Variants in CRTC1 observed in about 807,000 individuals in gnomAD.
The protein encoded by CRTC1 is CREB-regulated transcription coactivator 1.
CRTC1 carries 18 observed loss-of-function variants against 66.1 expected under a neutral mutation model. The observed-to-expected ratio is 0.27, with a 90% CI of 0.19 to 0.40. The LOEUF (loss-of-function observed/expected upper bound fraction) is 0.40, where lower values mean the gene tolerates loss of function less well. CRTC1 is among the 10% of genes least tolerant of loss of function. The pLI, the probability that CRTC1 is intolerant of heterozygous loss-of-function variation, is 1.00. For synonymous variants in CRTC1, 416 were observed against 398.8 expected (o/e 1.04, Z -0.51); for missense variants, 669 against 887.9 (o/e 0.75, Z 3.13).
At chr19:18,733,260 G>A (rs2053928529) in intron 1 of CRTC1, among the ~76,000 whole-genome samples, 1 of 152,128 alleles carries the variant, frequency 6.6e-6, no homozygotes, top group African/African-American at 2.4e-5. Context: ...ACACAGGGTG[G>A]GCGCTTGGCC....
chr19:18,777,083 G>A lies in CRTC1; in HGVS notation c.1694-88G>A, dbSNP rs576260765. The A allele has an allele frequency of 4.1e-5, 31 of 755,594 alleles. 1 individual carries two copies. Among genetic ancestry groups the A allele is most frequent in the South Asian group, 3.1e-4 (20 of 64,062 alleles). 46.8% of individuals were successfully genotyped at this position (755,594 alleles called of 1,614,324 possible). ...GCCAGCATACCCAGGGGACAGAGTCGCCCGGCGGGCATGCCTGGTCCGACA... is the reference window on the plus strand; with the variant it reads ...GCCAGCATACCCAGGGGACAGAGTCACCCGGCGGGCATGCCTGGTCCGACA... On this transcript the variant is annotated intron_variant, in intron 13 of 13. Transcript: ENST00000321949. The surrounding 1 kb of genome is among the most constrained non-coding windows in gnomAD (Gnocchi z 5.5).
At chr19:18,705,762 C>T (rs959999392) in intron 1 of CRTC1, among the ~76,000 whole-genome samples, 1 of 151,752 alleles carries the variant, frequency 6.6e-6, no homozygotes, top group African/African-American at 2.4e-5. Context: ...TGATAATAGC[C>T]ATCCTAATGT....
intron 1 of CRTC1, among the ~76,000 whole-genome samples, chr19:18,685,598 A>G (rs886954264): frequency 1.3e-5 from 2 of 152,212 alleles, no homozygotes. Flanking sequence ...TGGAGGTTGC[A>G]GTGAGCCGAG....
At chr19:18,748,320 G>C (rs79166964) in intron 4 of CRTC1, among the ~76,000 whole-genome samples, 33,118 of 149,128 alleles carry the variant, frequency 0.22, 3,952 homozygotes, top group African/African-American at 0.32. Context: ...GCGATCACAG[G>C]TCACTGCAGC....
Position 18,746,893 on chromosome 19 carries a change from GA to G in CRTC1, c.382-157del, listed in dbSNP as rs1370212415. 2.0e-5 allele frequency among the ~76,000 whole-genome samples: 3 copies of G among 152,150 alleles called. No homozygotes were observed. The East Asian group carries it at 5.8e-4, about 29-fold the overall frequency. On this transcript the variant is annotated intron_variant, in intron 3 of 13. Transcript: ENST00000321949. ...ACGGGGGCTGCTTGTAGCCAGGCAG[GA>G]AAGGCCGGCAGGAAACGCCCCCCGC... is the stretch of plus-strand genomic sequence containing the variant.
intron 1 of CRTC1, among the ~76,000 whole-genome samples, chr19:18,731,818 G>C (rs1032693279): frequency 2.6e-5 from 4 of 152,186 alleles, no homozygotes; most frequent in Non-Finnish European, 5.9e-5. Flanking sequence ...CCCGGGGGGT[G>C]GGGGGAAGGC....
At chr19:18,725,831 C>G (rs565488176) in intron 1 of CRTC1, among the ~76,000 whole-genome samples, 1 of 152,216 alleles carries the variant, frequency 6.6e-6, no homozygotes, top group Admixed American at 6.5e-5. Flanking sequence ...TCGGCCCTCC[C>G]GTGTTCTGGA....
intron 13 of CRTC1, among the ~76,000 whole-genome samples, 199 bp downstream of exon 13, chr19:18,776,020 G>A (rs2054981517): frequency 6.6e-6 from 1 of 152,162 alleles, no homozygotes; most frequent in African/African-American, 2.4e-5. Flanking sequence ...GCCAGGCCAG[G>A]GAGATGCCTC....
intron 5 of CRTC1, among the ~76,000 whole-genome samples, chr19:18,752,933 C>T (rs1419680013): frequency 6.6e-6 from 1 of 151,846 alleles, no homozygotes; most frequent in African/African-American, 2.4e-5. Context: ...CCACCACGCC[C>T]AGCCTATTTT....
chr19:18,771,594 T>C lies in CRTC1; in HGVS notation c.1425+48T>C. 1.4e-6 allele frequency: 2 copies of C among 1,429,274 alleles called. No individual in the cohort carries two copies. The highest frequency in any genetic ancestry group is 2.0e-6 in the Non-Finnish European group (2 of 1,024,360). The allele number at this position is 1,429,274 out of a possible 1,614,324, so 88.5% of individuals were successfully genotyped here. Reference sequence around the variant, plus strand: ...TGGCCTGTGGGCTCCACGCTTGTCTTGTTCATGCCCCGTGTGTTCCCTGCC... The same window carrying C: ...TGGCCTGTGGGCTCCACGCTTGTCTCGTTCATGCCCCGTGTGTTCCCTGCC... On this transcript the variant is annotated intron_variant, in intron 11 of 13. Transcript: ENST00000321949. The surrounding 1 kb of genome is among the most constrained non-coding windows in gnomAD (Gnocchi z 4.6).
chr19:18,745,719 G>T (rs1482168640), intron 2 of CRTC1, 104 bp from the exon 3 acceptor site: 4 of 1,464,672 alleles, frequency 2.7e-6, no homozygotes, highest in Non-Finnish European at 3.8e-6. Context: ...GGGTGCTCCA[G>T]AGTGGGGGGC....
At chr19:18,714,920 G>A (rs778606454) in intron 1 of CRTC1, among the ~76,000 whole-genome samples, 11 of 152,260 alleles carry the variant, frequency 7.2e-5, no homozygotes, top group Non-Finnish European at 1.5e-4. Context: ...CCCAGCCTGG[G>A]CTTCGGGAAG....
In CRTC1 at chr19:18,691,674, C is replaced by G. The variant is rs1371812080; in HGVS notation, c.126+7846C>G. 2.0e-5 allele frequency among the ~76,000 whole-genome samples: 3 copies of G among 152,096 alleles called. No homozygotes were observed. In the East Asian group the frequency reaches 5.8e-4, roughly 29 times the overall value. On this transcript the variant is annotated intron_variant, in intron 1 of 13. Coordinates refer to ENST00000321949, the MANE Select transcript of CRTC1 (RefSeq NM_015321.3). The stretch of plus-strand genomic sequence containing the variant: ...GCTGGAAGGGATAGGAAGGGTCTTC[C>G]CCTAGAGCCTCTGGAGGAAGCATGG...
rs1190480134 is a variant in CRTC1 at position 18,778,146 on chromosome 19, A to G, written c.*764A>G. On this transcript the variant is annotated 3_prime_UTR_variant, in exon 14 of 14. Coordinates refer to ENST00000321949, the MANE Select transcript of CRTC1 (RefSeq NM_015321.3). ...CGGGAAGTGACCGGAAGGCCCCGTGAGGGGTCGAACGCGGAGGCAGGGGTT... is the reference window on the plus strand; with the variant it reads ...CGGGAAGTGACCGGAAGGCCCCGTGGGGGGTCGAACGCGGAGGCAGGGGTT... 8.6e-6 allele frequency: 2 copies of G among 232,732 alleles called. No homozygotes were observed. Among genetic ancestry groups the G allele is most frequent in the Non-Finnish European group, 8.5e-6 (1 of 117,850 alleles). 14.4% of individuals were successfully genotyped at this position (232,732 alleles called of 1,614,324 possible). A position where few individuals can be genotyped will look rare whatever the true frequency, so the allele number is the denominator to read the frequency against.
chr19:18,777,175 A>T lies in CRTC1; in HGVS notation c.1698A>T (p.Thr566=). The change falls in exon 14 of 14, where the codon ACA becomes ACT. Residue 566 remains threonine (T), a synonymous_variant. Coordinates refer to ENST00000321949, the MANE Select transcript of CRTC1 (RefSeq NM_015321.3). This position sits in a 1 kb window ranked among gnomAD's most constrained non-coding sequence, Gnocchi z 5.5. ...SGIPNIILTV[T]GESPPSLSKE... ...TGTCCCCACCCCATCCCCCAGTGAC[A>T]GGAGAGTCCCCCCCCAGCCTCTCTA... 8.7e-7 allele frequency: 1 copy of T among 1,154,348 alleles called. No homozygotes were observed. Among genetic ancestry groups the T allele is most frequent in the Non-Finnish European group, 1.2e-6 (1 of 821,032 alleles). 71.5% of individuals were successfully genotyped at this position (1,154,348 alleles called of 1,614,324 possible).
intron 6 of CRTC1, among the ~76,000 whole-genome samples, chr19:18,754,100 C>CAA (rs35678786): frequency 2.1e-4 from 17 of 80,744 alleles, no homozygotes; most frequent in Admixed American, 4.2e-4. Context: ...GACTCCATCT[C>CAA]AAAAAAAAAA....
chr19:18,696,219 G>A (rs569722127), intron 1 of CRTC1, among the ~76,000 whole-genome samples: 20 of 152,278 alleles, frequency 1.3e-4, no homozygotes, highest in Admixed American at 9.8e-4. Flanking sequence ...GCCGTGTCAC[G>A]GAGTTCTGGG....
At chr19:18,691,608 C>T (rs1001055273) in intron 1 of CRTC1, among the ~76,000 whole-genome samples, 2 of 150,630 alleles carry the variant, frequency 1.3e-5, no homozygotes, top group African/African-American at 4.9e-5. Context: ...GAGATTGGAG[C>T]GATGTGGTCA....
chr19:18,774,920 C>T lies in CRTC1; in HGVS notation c.1446C>T (p.Ser482=), dbSNP rs771384356. 4 of 1,610,766 alleles carry T rather than the reference C, an allele frequency of 2.5e-6. No homozygotes were observed. Among genetic ancestry groups the T allele is most frequent in the African/African-American group, 1.3e-5 (1 of 74,946 alleles). ...TGCAGCACACTTCCACCCTGGGCAGCGTGTTTGGGGACGCGTACTATGAGC... is the reference window on the plus strand; with the variant it reads ...TGCAGCACACTTCCACCCTGGGCAGTGTGTTTGGGGACGCGTACTATGAGC... ...SSPQHTSTLG[S]VFGDAYYEQQ... Residue 482 remains serine, a synonymous_variant, in exon 12 of 14, where the codon AGC becomes AGT. Transcript: ENST00000321949.
Sources: allele counts gnomAD v4.1 joint callset (sites outside exome capture counted in the v4.1 genomes callset), GRCh38; gene constraint gnomAD v4.1.1; non-coding constraint Gnocchi (gnomAD v3.1); transcripts MANE v1.5; gene names NCBI Gene and HGNC (gene_info 2026-07-23, HGNC 2026-07-21).